Variants in ROBO2 observed in about 807,000 individuals in gnomAD.
ROBO2 encodes the protein roundabout guidance receptor 2.
Under a neutral mutation model 160.8 loss-of-function variants are expected in ROBO2, and 53 were observed. The observed-to-expected ratio is 0.33, with a 90% CI of 0.26 to 0.41. The LOEUF (loss-of-function observed/expected upper bound fraction) is 0.41, where lower values mean the gene tolerates loss of function less well. ROBO2 is among the 10% of genes least tolerant of loss of function. The pLI, the probability that ROBO2 is intolerant of heterozygous loss-of-function variation, is 1.00. For synonymous variants in ROBO2, 664 were observed against 611.7 expected (o/e 1.09, Z -1.26); for missense variants, 1,577 against 1,722.4 (o/e 0.92, Z 1.49).
intron 2 of ROBO2, among the ~76,000 whole-genome samples, chr3:76,286,759 T>C (rs1708525117): frequency 6.6e-6 from 1 of 152,294 alleles, no homozygotes; most frequent in South Asian, 2.1e-4. Context: ...GTGTGGGTGG[T>C]AATGCAAATA....
chr3:76,703,398 G>A (rs907236988), intron 2 of ROBO2, among the ~76,000 whole-genome samples: 1 of 152,022 alleles, frequency 6.6e-6, no homozygotes, highest in South Asian at 2.1e-4. Flanking sequence ...TAAATTCTGG[G>A]ACACATGTGC....
intron 2 of ROBO2, among the ~76,000 whole-genome samples, chr3:76,836,068 T>G (rs1263941547): frequency 6.6e-6 from 1 of 152,050 alleles, no homozygotes; most frequent in East Asian, 1.9e-4. Flanking sequence ...TTATTTTAAA[T>G]TATGACTTCT....
At chr3:76,118,245 G>C (rs1197656680) in intron 2 of ROBO2, among the ~76,000 whole-genome samples, 1 of 152,170 alleles carries the variant, frequency 6.6e-6, no homozygotes, top group Non-Finnish European at 1.5e-5. Context: ...CAAATTGAGA[G>C]AGGGACACAG....
At chr3:76,649,351 G>C (rs2091144281) in intron 2 of ROBO2, among the ~76,000 whole-genome samples, 1 of 152,076 alleles carries the variant, frequency 6.6e-6, no homozygotes, top group Non-Finnish European at 1.5e-5. Context: ...AGCGATTTCA[G>C]AATAAACTTA....
chr3:77,550,731 CT>C (rs1163330871), intron 7 of ROBO2, 86 bp from the exon 9 acceptor site: 2 of 1,355,604 alleles, frequency 1.5e-6, no homozygotes, highest in African/African-American at 2.9e-5. Context: ...CTTTTTCCCA[CT>C]GTATTCCTTA....
intron 2 of ROBO2, among the ~76,000 whole-genome samples, chr3:76,211,725 A>G (rs1005701297): frequency 1.3e-5 from 2 of 152,058 alleles, no homozygotes; most frequent in Non-Finnish European, 2.9e-5. Flanking sequence ...CATTTTTTGT[A>G]CACTGTTTTA....
intron 2 of ROBO2, among the ~76,000 whole-genome samples, chr3:76,520,092 C>T (rs1485933261): frequency 6.6e-6 from 1 of 152,252 alleles, no homozygotes; most frequent in Non-Finnish European, 1.5e-5. Flanking sequence ...TTCCCTTCTT[C>T]CCTTTCTCTA....
At chr3:76,463,504 T>G (rs985493310) in intron 2 of ROBO2, among the ~76,000 whole-genome samples, 1 of 152,076 alleles carries the variant, frequency 6.6e-6, no homozygotes, top group African/African-American at 2.4e-5. Flanking sequence ...GCAGTTCTGG[T>G]CCCCCGGGTC....
rs2272164 is a variant in ROBO2, at chr3:77,622,341, C to T, written c.3669C>T (p.Asp1223=). The change falls in exon 23 of 26, where the codon GAC becomes GAT. Residue 1223 remains aspartate (D), a synonymous_variant. Transcript: ENST00000461745. ...ATGTTGCAGATGATGATGCCGACGA[C>T]GAAGAGGAAGCTTTAGAAATCCCCA... 101 of 1,613,660 alleles carry T rather than the reference C, an allele frequency of 6.3e-5. No individual in the cohort carries two copies. The East Asian group carries it at 6.5e-4, about 10-fold the overall frequency.
At chr3:76,321,224 A>G (rs2072496061) in intron 2 of ROBO2, among the ~76,000 whole-genome samples, 1 of 152,170 alleles carries the variant, frequency 6.6e-6, no homozygotes. Context: ...GGAGGTATAG[A>G]ACTATATGCT....
chr3:76,064,071 A>G (rs998930833), intron 2 of ROBO2, among the ~76,000 whole-genome samples: 1 of 152,168 alleles, frequency 6.6e-6, no homozygotes, highest in Admixed American at 6.5e-5. Flanking sequence ...AAGAAGCTGA[A>G]TTCTGCCATC....
Position 77,377,898 on chromosome 3 carries a change from A to G in ROBO2, c.389-99516A>G, listed in dbSNP as rs141484183. ...GCCTGGCGGCCAAACAGAGCAGTTC[A>G]GAACTAATCAGCAAGATACAATCAG... is the stretch of plus-strand genomic sequence containing the variant. On this transcript the variant is annotated intron_variant, in intron 2 of 25. Coordinates refer to ENST00000461745, the Ensembl canonical transcript of ROBO2. 4.1e-3 allele frequency among the ~76,000 whole-genome samples: 626 copies of G among 152,344 alleles called. 5 individuals carry two copies. The highest frequency in any genetic ancestry group is 0.015 in the African/African-American group (606 of 41,576).
intron 2 of ROBO2, chr3:76,434,897 A>G (rs1366337923): frequency 4.4e-6 from 7 of 1,597,900 alleles, no homozygotes; most frequent in Non-Finnish European, 6.0e-6. Flanking sequence ...GCCCCAAGCC[A>G]TTCTCTGCAC....
chr3:76,069,844 G>A (rs141888145), intron 2 of ROBO2, among the ~76,000 whole-genome samples: 2,991 of 152,234 alleles, frequency 0.02, 99 homozygotes, highest in African/African-American at 0.067. Flanking sequence ...GTAGAAGAAC[G>A]TGGATTGTGA....
At chr3:76,850,303 A>G (rs1482980798) in intron 2 of ROBO2, among the ~76,000 whole-genome samples, 2 of 152,146 alleles carry the variant, frequency 1.3e-5, no homozygotes, top group African/African-American at 2.4e-5. Context: ...ATATATATTC[A>G]ATAAAACATA....
intron 20 of ROBO2, among the ~76,000 whole-genome samples, chr3:77,606,545 G>C (rs1031635075): frequency 1.3e-5 from 2 of 152,168 alleles, no homozygotes; most frequent in Non-Finnish European, 2.9e-5. Context: ...TTTGAAATAT[G>C]TGTGAAGGTG....
intron 2 of ROBO2, among the ~76,000 whole-genome samples, chr3:76,598,897 A>C (rs1429392287): frequency 6.6e-6 from 1 of 152,166 alleles, no homozygotes; most frequent in Admixed American, 6.5e-5. Flanking sequence ...AGCTACTAAG[A>C]AAGTATATAA....
intron 2 of ROBO2, among the ~76,000 whole-genome samples, chr3:77,337,717 G>A (rs767759917): frequency 6.6e-6 from 1 of 152,018 alleles, no homozygotes; most frequent in Non-Finnish European, 1.5e-5. Context: ...AACTGATTCT[G>A]GGATTACATA....
intron 2 of ROBO2, among the ~76,000 whole-genome samples, chr3:77,272,610 A>C (rs1362369670): frequency 6.6e-6 from 1 of 152,146 alleles, no homozygotes; most frequent in Non-Finnish European, 1.5e-5. Context: ...TCATAAGCAA[A>C]ATGTAAAATT....
Sources: gnomAD v4.1 joint callset for allele counts (sites outside exome capture counted in the v4.1 genomes callset) on GRCh38, gnomAD v4.1.1 for gene constraint, MANE v1.5 for transcripts, NCBI Gene and HGNC (gene_info 2026-07-23, HGNC 2026-07-21) for gene names.